The following GALNT13 variants were observed in gnomAD, a reference collection of about 807,000 sequenced individuals.
The protein encoded by GALNT13 is polypeptide N-acetylgalactosaminyltransferase 13, also known as UDP-GalNAc:polypeptide N-acetylgalactosaminyltransferase 13.
In GALNT13, 28 loss-of-function variants were observed where a neutral mutation model predicts 64.2. The ratio of observed to expected loss-of-function variants is 0.44; its 90% confidence interval spans 0.32 to 0.60. GALNT13 has a LOEUF of 0.60. GALNT13 is among the 20% of genes least tolerant of loss of function. The pLI is 0.05. For synonymous variants in GALNT13, 214 were observed against 224.6 expected (o/e 0.95, Z 0.42); for missense variants, 577 against 669.8 (o/e 0.86, Z 1.53).
the GALNT13 span, among the ~76,000 whole-genome samples, chr2:153,271,162 C>T: frequency 2.0e-5 from 3 of 152,152 alleles, no homozygotes; most frequent in Admixed American, 6.5e-5. Flanking sequence ...CAGCAAATAT[C>T]ATACTGAATG....
chr2:154,156,251 C>G (rs1220521920), intron 4 of GALNT13, among the ~76,000 whole-genome samples: 1 of 151,968 alleles, frequency 6.6e-6, no homozygotes, highest in African/African-American at 2.4e-5. Flanking sequence ...CGTTGAATTT[C>G]ACCATATAAA....
chr2:154,394,916 G>A (rs1472698204), intron 9 of GALNT13, among the ~76,000 whole-genome samples: 1 of 152,164 alleles, frequency 6.6e-6, no homozygotes, highest in African/African-American at 2.4e-5. Context: ...GAGACAAGAA[G>A]GTCGGAGCTA....
At chr2:153,501,072 A>AT in the GALNT13 span, among the ~76,000 whole-genome samples, 1 of 138,402 alleles carries the variant, frequency 7.2e-6, no homozygotes, top group African/African-American at 2.6e-5. Flanking sequence ...AGTAAAAAAA[A>AT]AAAATATATA....
the GALNT13 span, among the ~76,000 whole-genome samples, chr2:153,134,276 T>C: frequency 6.6e-6 from 1 of 152,274 alleles, no homozygotes; most frequent in South Asian, 2.1e-4. Context: ...CTCCTTTTTT[T>C]CCCCTGCCTG....
intron 3 of GALNT13, among the ~76,000 whole-genome samples, chr2:154,076,558 T>C (rs1236865876): frequency 1.3e-5 from 2 of 151,662 alleles, no homozygotes; most frequent in African/African-American, 4.8e-5. Context: ...GGTCCAATGA[T>C]AGAAGATAAA....
At chr2:153,164,896 C>T in the GALNT13 span, among the ~76,000 whole-genome samples, 6 of 152,192 alleles carry the variant, frequency 3.9e-5, no homozygotes, top group African/African-American at 1.4e-4. Context: ...GCCCCAATTT[C>T]TACTCTGATT....
At chr2:154,097,187 C>G (rs1411245874) in intron 3 of GALNT13, among the ~76,000 whole-genome samples, 1 of 151,964 alleles carries the variant, frequency 6.6e-6, no homozygotes, top group East Asian at 1.9e-4. Flanking sequence ...CGAGTGCTTA[C>G]TATGTTCAAA....
At chr2:154,448,337 TAC>T (rs1294754646) in intron 12 of GALNT13, among the ~76,000 whole-genome samples, 1 of 152,058 alleles carries the variant, frequency 6.6e-6, no homozygotes, top group African/African-American at 2.4e-5. Flanking sequence ...GCCAGGGGAT[TAC>T]AGTTAGATAG....
chr2:154,449,410 A>G (rs1438187390), intron 12 of GALNT13, among the ~76,000 whole-genome samples: 1 of 127,778 alleles, frequency 7.8e-6, no homozygotes, highest in African/African-American at 2.8e-5. Context: ...CCCATTTTCA[A>G]TGTAGTATCA....
chr2:154,338,223 T>C (rs1317856962), intron 9 of GALNT13, among the ~76,000 whole-genome samples: 1 of 152,188 alleles, frequency 6.6e-6, no homozygotes. Context: ...GAAGCTGAGT[T>C]AATTCCTGCA....
At chr2:153,409,374 G>GTATATATTCTTA in the GALNT13 span, among the ~76,000 whole-genome samples, 1 of 121,120 alleles carries the variant, frequency 8.3e-6, no homozygotes, top group Non-Finnish European at 1.7e-5. Context: ...ATTCATATGT[G>GTATATATTCTTA]TGTATATATA....
chr2:153,744,005 T>C, the GALNT13 span, among the ~76,000 whole-genome samples: 1 of 152,188 alleles, frequency 6.6e-6, no homozygotes, highest in African/African-American at 2.4e-5. Context: ...GACAGGATTG[T>C]ATTCATTTTT....
the GALNT13 span, among the ~76,000 whole-genome samples, chr2:153,573,013 G>C: frequency 2.6e-5 from 4 of 151,908 alleles, no homozygotes; most frequent in Admixed American, 6.6e-5. Flanking sequence ...CTGTCTGAAA[G>C]ATCTGTTTAA....
the GALNT13 span, among the ~76,000 whole-genome samples, chr2:153,313,928 A>T: frequency 6.6e-6 from 1 of 152,142 alleles, no homozygotes; most frequent in African/African-American, 2.4e-5. Context: ...TTTAAGGGTT[A>T]TGACTATTTC....
the GALNT13 span, among the ~76,000 whole-genome samples, chr2:153,299,820 C>A: frequency 2.6e-5 from 4 of 152,260 alleles, no homozygotes; most frequent in East Asian, 7.7e-4. Flanking sequence ...AATTTTTATA[C>A]CTGAATTGTT....
chr2:153,644,273 T>C, the GALNT13 span, among the ~76,000 whole-genome samples: 7 of 152,150 alleles, frequency 4.6e-5, no homozygotes, highest in African/African-American at 1.7e-4. Context: ...GAAAGCATCC[T>C]ATCTAATAAA....
At chr2:153,752,783 C>A in the GALNT13 span, among the ~76,000 whole-genome samples, 1 of 152,024 alleles carries the variant, frequency 6.6e-6, no homozygotes, top group African/African-American at 2.4e-5. Flanking sequence ...ATATTGATAT[C>A]TTTCTCTAGG....
At chr2:154,073,226 G>A (rs1038467067) in intron 3 of GALNT13, among the ~76,000 whole-genome samples, 5 of 133,084 alleles carry the variant, frequency 3.8e-5, no homozygotes, top group Admixed American at 7.3e-5. Context: ...GCACTTGTGC[G>A]ACTGTTTGAG....
At chr2:154,343,704 A>G (rs1695901013) in intron 9 of GALNT13, among the ~76,000 whole-genome samples, 1 of 152,094 alleles carries the variant, frequency 6.6e-6, no homozygotes, top group Non-Finnish European at 1.5e-5. Flanking sequence ...TCATGGCTGT[A>G]ACATTGATAT....
Sources: gnomAD v4.1 joint callset for allele counts (sites outside exome capture counted in the v4.1 genomes callset) on GRCh38, gnomAD v4.1.1 for gene constraint, MANE v1.5 for transcripts, NCBI Gene and HGNC (gene_info 2026-07-23, HGNC 2026-07-21) for gene names.